Variants in MAGI3 observed in about 807,000 individuals in gnomAD.
MAGI3 encodes the protein membrane associated guanylate kinase, WW and PDZ domain containing 3, also known as membrane-associated guanylate kinase, WW and PDZ domain-containing protein 3.
MAGI3 carries 43 observed loss-of-function variants against 121.8 expected under a neutral mutation model. The ratio of observed to expected loss-of-function variants is 0.35; its 90% CI spans 0.28 to 0.46. MAGI3 has a LOEUF of 0.46. Ranked by LOEUF, MAGI3 falls within the 20% of genes least tolerant of loss-of-function variation. The pLI, the probability that MAGI3 is intolerant of heterozygous loss-of-function variation, is 1.00. For missense variants in MAGI3, 1,547 were observed against 1,797.3 expected (o/e 0.86, Z 2.52); for synonymous variants, 553 against 639.3 (o/e 0.86, Z 2.04).
At chr1:113,630,582 T>C (rs76769416) in intron 9 of MAGI3, among the ~76,000 whole-genome samples, 4 of 152,326 alleles carry the variant, frequency 2.6e-5, no homozygotes, top group African/African-American at 9.6e-5. Flanking sequence ...AAAGCCAGCA[T>C]GTCTCAGAGC....
At chr1:113,615,779 G>A (rs1167193647) in intron 7 of MAGI3, among the ~76,000 whole-genome samples, 1 of 152,108 alleles carries the variant, frequency 6.6e-6, no homozygotes, top group African/African-American at 2.4e-5. Context: ...TTTCCATTGT[G>A]TTACTTAATG....
At chr1:113,646,717 C>A in intron 12 of MAGI3, 75 bp downstream of exon 12, 2 of 1,152,384 alleles carry the variant, frequency 1.7e-6, no homozygotes, top group Admixed American at 2.6e-5. Context: ...AGGACCTTCC[C>A]ATCTTTCAGA....
rs536742357 is a variant in MAGI3, at chr1:113,492,017, C to T, written c.317-57498C>T. Among the ~76,000 whole-genome samples the T allele has an allele frequency of 7.9e-5, 12 of 152,234 alleles. No individual in the cohort carries two copies. The South Asian group carries it at 1.9e-3, about 24-fold the overall frequency. The stretch of plus-strand genomic sequence containing the variant: ...AGGAGGAACTCCTCTCTAACTCATT[C>T]TATGAGGCCAGCATCATCCTGACCA... On this transcript the variant is annotated intron_variant, in intron 1 of 20. Transcript: ENST00000307546.
At chr1:113,589,757 A>G (rs1374014459) in intron 4 of MAGI3, among the ~76,000 whole-genome samples, 1 of 152,102 alleles carries the variant, frequency 6.6e-6, no homozygotes, top group African/African-American at 2.4e-5. Flanking sequence ...TTTAAGTTTT[A>G]GAAACAAGTT....
At chr1:113,412,478 C>A (rs1007796796) in intron 1 of MAGI3, among the ~76,000 whole-genome samples, 9 of 152,290 alleles carry the variant, frequency 5.9e-5, no homozygotes, top group Non-Finnish European at 1.3e-4. Context: ...AACCAATTTA[C>A]ACTCCCACCA....
At chr1:113,639,132 C>G (rs562077817) in intron 9 of MAGI3, among the ~76,000 whole-genome samples, 1 of 152,366 alleles carries the variant, frequency 6.6e-6, no homozygotes, top group Non-Finnish European at 1.5e-5. Flanking sequence ...CAGGTGCCGT[C>G]TGTCACCCCT....
At chr1:113,565,156 T>A (rs1311406556) in intron 2 of MAGI3, among the ~76,000 whole-genome samples, 1 of 152,050 alleles carries the variant, frequency 6.6e-6, no homozygotes, top group East Asian at 1.9e-4. Context: ...AACCCTGAAA[T>A]GAAATTTTAA....
chr1:113,477,277 C>T (rs1239294599), intron 1 of MAGI3, among the ~76,000 whole-genome samples: 1 of 152,046 alleles, frequency 6.6e-6, no homozygotes, highest in Non-Finnish European at 1.5e-5. Flanking sequence ...TTATGATGTT[C>T]GCTGGTTTTT....
intron 16 of MAGI3, among the ~76,000 whole-genome samples, chr1:113,664,180 A>T (rs1299151003): frequency 2.0e-5 from 3 of 152,164 alleles, no homozygotes; most frequent in Non-Finnish European, 4.4e-5. Context: ...TGATGCACAA[A>T]GTTTTAATGC....
At chr1:113,593,723 A>G (rs1648832652) in intron 5 of MAGI3, among the ~76,000 whole-genome samples, 1 of 152,136 alleles carries the variant, frequency 6.6e-6, no homozygotes, top group South Asian at 2.1e-4. Flanking sequence ...CTGCATGGTG[A>G]CCTGGTCTGA....
Position 113,642,223 on chromosome 1 carries a change from A to G in MAGI3, c.1673A>G (p.Asp558Gly). 1 of 1,614,180 alleles carries G rather than the reference A, an allele frequency of 6.2e-7. No individual in the cohort carries two copies. The highest frequency in any genetic ancestry group is 8.5e-7 in the Non-Finnish European group (1 of 1,180,024). ...LTGDGLNGPS[D>G]ASEQRVSMAS... The stretch of plus-strand genomic sequence containing the variant: ...GGTGATGGTCTCAATGGACCATCAG[A>G]TGCAAGTGAGCAGAGAGTATCCATG... The change falls in exon 10 of 21, where the codon GAT becomes GGT. Residue 558 changes from aspartate (D) to glycine (G), a missense_variant. By Grantham distance (94) the Asp-to-Gly change is moderately conservative. Transcript: ENST00000307546.
chr1:113,416,420 T>C (rs1192803989), intron 1 of MAGI3, among the ~76,000 whole-genome samples: 1 of 14,180 alleles, frequency 7.1e-5, no homozygotes, highest in Non-Finnish European at 1.8e-4. Flanking sequence ...TAATTAATAA[T>C]TAATAATATA....
At chr1:113,397,326 C>T (rs1487526592) in intron 1 of MAGI3, among the ~76,000 whole-genome samples, 1 of 151,994 alleles carries the variant, frequency 6.6e-6, no homozygotes, top group East Asian at 1.9e-4. Flanking sequence ...TTGGTAGGAT[C>T]CACGCCATCT....
chr1:113,392,841 A>G (rs1443741842), intron 1 of MAGI3, among the ~76,000 whole-genome samples: 2 of 152,196 alleles, frequency 1.3e-5, no homozygotes, highest in Admixed American at 6.5e-5. Context: ...TAATTCAGCT[A>G]GTCAGGCACT....
intron 1 of MAGI3, among the ~76,000 whole-genome samples, chr1:113,445,015 G>A (rs1451517513): frequency 2.6e-5 from 4 of 152,122 alleles, no homozygotes; most frequent in Non-Finnish European, 4.4e-5. Flanking sequence ...GAATGAATCA[G>A]CAAACTTGAA....
intron 2 of MAGI3, among the ~76,000 whole-genome samples, chr1:113,561,042 T>G (rs1660214136): frequency 6.6e-6 from 1 of 152,130 alleles, no homozygotes; most frequent in Non-Finnish European, 1.5e-5. Context: ...CCTGGACATA[T>G]ACACCCTGTC....
At chr1:113,452,660 A>C (rs551496485) in intron 1 of MAGI3, among the ~76,000 whole-genome samples, 2 of 151,918 alleles carry the variant, frequency 1.3e-5, no homozygotes, top group Non-Finnish European at 2.9e-5. Context: ...GTGGGAAAAA[A>C]CCCCACAAAT....
At chr1:113,629,746 C>CTG (rs200570977) in intron 9 of MAGI3, among the ~76,000 whole-genome samples, 28,611 of 110,630 alleles carry the variant, frequency 0.26, 3,961 homozygotes, top group South Asian at 0.47. Flanking sequence ...CTCTCTCTCT[C>CTG]TCTCTCTCTC....
Position 113,537,954 on chromosome 1 carries a change from C to G in MAGI3, c.317-11561C>G, listed in dbSNP as rs544895548. On this transcript the variant is annotated intron_variant, in intron 1 of 20. Coordinates refer to ENST00000307546, the MANE Select transcript of MAGI3 (RefSeq NM_001142782.2). ...TTTGTTTGTTGAATGTATGTTGACT[C>G]TCTCTGGACTCAGATTACTTTTGAT... Among the ~76,000 whole-genome samples, 7 of 152,304 alleles carry G rather than the reference C, an allele frequency of 4.6e-5. No homozygotes were observed. In the South Asian group the frequency reaches 1.5e-3, roughly 32 times the overall value.
Sources: gnomAD v4.1 joint callset for allele counts (sites outside exome capture counted in the v4.1 genomes callset) on GRCh38, gnomAD v4.1.1 for gene constraint, MANE v1.5 for transcripts, NCBI Gene and HGNC (gene_info 2026-07-23, HGNC 2026-07-21) for gene names.